ARHGAP32: variants seen among roughly 807,000 people sequenced by gnomAD.
ARHGAP32 encodes the protein Rho GTPase activating protein 32.
A neutral mutation model predicts 186.5 loss-of-function variants in ARHGAP32; 51 were observed. The ratio of observed to expected loss-of-function variants is 0.27; its 90% confidence interval spans 0.22 to 0.35. The LOEUF is 0.35. Among genes scored for constraint, ARHGAP32 ranks in the 10% least tolerant of loss-of-function variants. The probability of loss-of-function intolerance (pLI) is 1.00; values close to 1 mark genes in which losing one functional copy is unlikely to be tolerated. For missense variants in ARHGAP32, 2,186 were observed against 2,623.5 expected (o/e 0.83, Z 3.64); for synonymous variants, 950 against 964.3 (o/e 0.99, Z 0.27).
chr11:129,270,436 G>A (rs1413052571), intron 1 of ARHGAP32, among the ~76,000 whole-genome samples: 2 of 151,922 alleles, frequency 1.3e-5, no homozygotes. Context: ...ACTATGATGT[G>A]GATACATGTC....
At chr11:129,130,259 A>G (rs1196881893) in intron 2 of ARHGAP32, among the ~76,000 whole-genome samples, 2 of 152,294 alleles carry the variant, frequency 1.3e-5, no homozygotes, top group African/African-American at 4.8e-5. Context: ...ATCAATCAGA[A>G]CAGTACAGTT....
intron 11 of ARHGAP32, chr11:129,023,928 T>C (rs1938713471): frequency 1.0e-6 from 1 of 985,212 alleles, no homozygotes; most frequent in African/African-American, 1.7e-5. Context: ...TAGCAGTAGA[T>C]TCATCAGGAT....
At chr11:129,221,594 G>A (rs1027094631) in intron 1 of ARHGAP32, among the ~76,000 whole-genome samples, 14 of 150,260 alleles carry the variant, frequency 9.3e-5, no homozygotes, top group Non-Finnish European at 1.9e-4. Flanking sequence ...CCTGAGCTGC[G>A]CCCCAGAAAC....
intron 11 of ARHGAP32, among the ~76,000 whole-genome samples, chr11:129,004,245 CTTTTTT>C (rs71057919): frequency 2.6e-5 from 3 of 116,368 alleles, no homozygotes; most frequent in South Asian, 5.4e-4. Context: ...CAATGCTTTC[CTTTTTT>C]TTTTTTTTTT....
At chr11:129,279,463 C>T (rs1021002138), upstream of ARHGAP32, 2 of 146,088 alleles carry the variant, frequency 1.4e-5, no homozygotes, top group African/African-American at 4.9e-5. Flanking sequence ...CCCGGGGACG[C>T]GGGTCCTCGG....
chr11:129,127,835 A>G (rs1459473983), intron 2 of ARHGAP32, among the ~76,000 whole-genome samples: 1 of 152,180 alleles, frequency 6.6e-6, no homozygotes, highest in Non-Finnish European at 1.5e-5. Flanking sequence ...AGAGTTTATA[A>G]TATCATCAAC....
At chr11:128,978,725 G>C (rs199922338) in intron 19 of ARHGAP32, 45 bp downstream of exon 19, 2 of 1,561,556 alleles carry the variant, frequency 1.3e-6, no homozygotes, top group Non-Finnish European at 1.7e-6. Flanking sequence ...AACAACCGAA[G>C]ACCATCATGA....
At chr11:128,995,373 G>A (rs945183692) in intron 12 of ARHGAP32, among the ~76,000 whole-genome samples, 6 of 152,000 alleles carry the variant, frequency 3.9e-5, no homozygotes, top group African/African-American at 7.3e-5. Flanking sequence ...TGCCCAGCTC[G>A]TTTTGTATTT....
rs369612151 is a variant in ARHGAP32 at position 129,051,255 on chromosome 11, G to A, written c.964-10246C>T. ...AATGGTTGAACTAATTTACACTCCCGCCAACAGTGTAAAAGCGTTCCTATT... is the reference window on the plus strand; with the variant it reads ...AATGGTTGAACTAATTTACACTCCCACCAACAGTGTAAAAGCGTTCCTATT... On this transcript the variant is annotated intron_variant, in intron 10 of 22. Transcript: ENST00000682385. 4.2e-4 allele frequency among the ~76,000 whole-genome samples: 64 copies of A among 152,204 alleles called. No homozygotes were observed. In the East Asian group the frequency reaches 0.011, roughly 26 times the overall value.
chr11:129,085,028 A>ATT (rs759809416), intron 6 of ARHGAP32, among the ~76,000 whole-genome samples: 1 of 145,952 alleles, frequency 6.9e-6, no homozygotes, highest in African/African-American at 2.5e-5. Context: ...TGGTTTTATT[A>ATT]TTTTTTTTTT....
chr11:128,971,452 G>C (rs1331576411), intron 22 of ARHGAP32: 1 of 339,974 alleles, frequency 2.9e-6, no homozygotes, highest in Non-Finnish European at 5.4e-6. Context: ...AACCAAAAGA[G>C]AGGTTTAGTC....
At position 129,123,660 on chromosome 11, in the gene ARHGAP32, ACACATATCCG is replaced by A; in HGVS notation, c.360-140_360-131del. Reference sequence around the variant, plus strand: ...TTTCGTAAGCACATGCGCATGAGCCACACATATCCGCACAAATCCTCTTAAAAATACACTG... The same window carrying A: ...TTTCGTAAGCACATGCGCATGAGCCACACAAATCCTCTTAAAAATACACTG... On this transcript the variant is annotated intron_variant, in intron 4 of 22. Coordinates refer to ENST00000682385, the MANE Select transcript of ARHGAP32 (RefSeq NM_001378024.1). This position sits in a 1 kb window ranked among gnomAD's most constrained non-coding sequence, Gnocchi z 4.6. The A allele has an allele frequency of 1.2e-6, 1 of 819,586 alleles. No individual in the cohort carries two copies. Among genetic ancestry groups the A allele is most frequent in the Admixed American group, 2.4e-5 (1 of 42,244 alleles). 50.8% of individuals were successfully genotyped at this position (819,586 alleles called of 1,614,324 possible). A position where few individuals can be genotyped will look rare whatever the true frequency, so the allele number is the denominator to read the frequency against.
chr11:128,965,581 C>A lies in ARHGAP32; in HGVS notation c.*3326G>T, dbSNP rs1035789514. On this transcript the variant is annotated 3_prime_UTR_variant, in exon 23 of 23. Transcript: ENST00000682385. ...GTGCACACTGACATTATCTTGCACA[C>A]GTTATAATACACCATTCCTGACATT... 1 of 152,198 alleles carries A rather than the reference C, an allele frequency of 6.6e-6. No individual in the cohort carries two copies. 9.4% of individuals were successfully genotyped at this position (152,198 alleles called of 1,614,324 possible).
At chr11:129,133,230 T>A (rs1045919194) in intron 2 of ARHGAP32, among the ~76,000 whole-genome samples, 1 of 152,152 alleles carries the variant, frequency 6.6e-6, no homozygotes, top group African/African-American at 2.4e-5. Flanking sequence ...AGATAGTTAA[T>A]TTTTTTAAAA....
intron 1 of ARHGAP32, among the ~76,000 whole-genome samples, chr11:129,203,610 G>A (rs1944482010): frequency 6.6e-6 from 1 of 151,174 alleles, no homozygotes; most frequent in Non-Finnish European, 1.5e-5. Context: ...ATAATGTTGA[G>A]CCAGGTGTGG....
chr11:128,969,981 A>C lies in ARHGAP32; in HGVS notation c.5232T>G (p.Pro1744=). The part of the protein sequence containing the change: ...SPNDHNVVSM[P]PAADVKHTYT... Reference sequence around the variant, plus strand: ...AGGTGTGCTTCACATCAGCAGCCGGAGGCATGCTGACTACATTATGGTCGT... The same window carrying C: ...AGGTGTGCTTCACATCAGCAGCCGGCGGCATGCTGACTACATTATGGTCGT... Residue 1744 remains proline (P), a synonymous_variant, in exon 23 of 23, where the codon CCT becomes CCG. Coordinates refer to ENST00000682385, the MANE Select transcript of ARHGAP32 (RefSeq NM_001378024.1). This position sits in a 1 kb window ranked among gnomAD's most constrained non-coding sequence, Gnocchi z 4.8. 1 of 1,614,150 alleles carries C rather than the reference A, an allele frequency of 6.2e-7. No homozygotes were observed. The highest frequency in any genetic ancestry group is 8.5e-7 in the Non-Finnish European group (1 of 1,180,004).
rs1351706844 is a variant in ARHGAP32, at chr11:129,192,148, C to T, written c.51G>A (p.Trp17Ter). The change falls in exon 1 of 23, where the codon TGG becomes TGA. Residue 17 changes from tryptophan (W) to a stop codon, truncating the protein, a stop_gained. Transcript: ENST00000682385. LOFTEE classifies it high-confidence loss of function. Reference protein sequence around the residue: ...SSTLGDDSVFWLESEVIIQVT... With the variant: ...SSTLGDDSVF ...CCTGGATTATAACTTCAGACTCCAA[C>T]CAGAAGACACTGTCATCCCCTAAAG... The T allele has an allele frequency of 6.2e-7, 1 of 1,613,912 alleles. No homozygotes were observed. Among genetic ancestry groups the T allele is most frequent in the Admixed American group, 1.7e-5 (1 of 60,022 alleles).
At chr11:129,053,779 C>T (rs1334523838) in intron 10 of ARHGAP32, among the ~76,000 whole-genome samples, 1 of 152,010 alleles carries the variant, frequency 6.6e-6, no homozygotes, top group African/African-American at 2.4e-5. Context: ...ACATAATTCC[C>T]CTTCTCTTGA....
intron 10 of ARHGAP32, among the ~76,000 whole-genome samples, chr11:129,053,017 T>G (rs919995545): frequency 6.6e-6 from 1 of 152,070 alleles, no homozygotes; most frequent in Non-Finnish European, 1.5e-5. Flanking sequence ...AGTTTTTACA[T>G]GTATACATAT....
Sources: allele counts gnomAD v4.1 joint callset (sites outside exome capture counted in the v4.1 genomes callset), GRCh38; gene constraint gnomAD v4.1.1; non-coding constraint Gnocchi (gnomAD v3.1); transcripts MANE v1.5; gene names NCBI Gene and HGNC (gene_info 2026-07-23, HGNC 2026-07-21).